Variants in BEND3 observed in about 807,000 individuals in gnomAD.
BEND3 encodes BEN domain-containing protein 3.
Under a neutral mutation model 60.1 loss-of-function variants are expected in BEND3, and 13 were observed. The observed-to-expected ratio is 0.22, with a 90% CI of 0.14 to 0.34. The LOEUF (loss-of-function observed/expected upper bound fraction) is 0.34, where lower values mean the gene tolerates loss of function less well. Among genes scored for constraint, BEND3 ranks in the 10% least tolerant of loss-of-function variants. The pLI, the probability that BEND3 is intolerant of heterozygous loss-of-function variation, is 1.00. For synonymous variants in BEND3, 497 were observed against 491.5 expected (o/e 1.01, Z -0.15); for missense variants, 896 against 1,138.1 (o/e 0.79, Z 3.06).
rs1554233696 is a variant in BEND3, at chr6:107,082,726, G to C, written c.241-11776C>G. On this transcript the variant is annotated intron_variant, in intron 3 of 3. Coordinates refer to ENST00000369042, the MANE Select transcript of BEND3 (RefSeq NM_001367314.1). ...TTACAGGCGTGAGCAACCGCGCCCA[G>C]CCTAGTGGTTGCTTTAAACTACTAG... 2.6e-5 allele frequency among the ~76,000 whole-genome samples: 4 copies of C among 152,312 alleles called. No homozygotes were observed. The South Asian group carries it at 8.3e-4, about 32-fold the overall frequency.
intron 1 of BEND3, among the ~76,000 whole-genome samples, chr6:107,105,712 G>T (rs1466999726): frequency 6.6e-6 from 1 of 152,198 alleles, no homozygotes; most frequent in Non-Finnish European, 1.5e-5. Flanking sequence ...CAACCTGGAG[G>T]TTCAAATTCC....
At position 107,069,669 on chromosome 6, in the gene BEND3, T is replaced by C. The variant is rs781896825; in HGVS notation, c.1522A>G (p.Ile508Val). The change falls in exon 4 of 4, where the codon ATC (isoleucine) becomes GTC (valine). Residue 508 changes from isoleucine (I) to valine (V), a missense_variant. Around this residue, in one of 4 missense-constraint regions of BEND3, gnomAD observed 846 missense variants for 1,036.7 expected, o/e 0.82. Transcript: ENST00000369042. The stretch of plus-strand genomic sequence containing the variant: ...CTGTCCTCCACCTTGACCACTGAGA[T>C]GTCGTCGGGCAGACTGGAGGAGTCG... ...CYDSSSLPDD[I>V]SVVKVEDSFE... 3.1e-6 allele frequency: 5 copies of C among 1,609,604 alleles called. No homozygotes were observed. Among genetic ancestry groups the C allele is most frequent in the Admixed American group, 1.7e-5 (1 of 59,998 alleles).
rs377097460 is a variant in BEND3, at chr6:107,069,686, G to A, written c.1505C>T (p.Ser502Phe). 2 of 1,609,656 alleles carry A rather than the reference G, an allele frequency of 1.2e-6. No individual in the cohort carries two copies. The highest frequency in any genetic ancestry group is 1.7e-6 in the Non-Finnish European group (2 of 1,179,986). Reference sequence around the variant, plus strand: ...CACTGAGATGTCGTCGGGCAGACTGGAGGAGTCGTAGCAGTCATCACGCGG... The same window carrying A: ...CACTGAGATGTCGTCGGGCAGACTGAAGGAGTCGTAGCAGTCATCACGCGG... ...DPPRDDCYDS[S>F]SLPDDISVVK... The change falls in exon 4 of 4, where the codon TCC becomes TTC. Residue 502 changes from serine to phenylalanine, a missense_variant. Physicochemically the swap from Ser to Phe is radical, Grantham distance 155. Coordinates refer to ENST00000369042, the MANE Select transcript of BEND3 (RefSeq NM_001367314.1).
At chr6:107,089,116 CAA>C (rs1343431146) in intron 3 of BEND3, among the ~76,000 whole-genome samples, 2 of 141,506 alleles carry the variant, frequency 1.4e-5, no homozygotes, top group African/African-American at 5.3e-5. Flanking sequence ...CCAGCCTGGG[CAA>C]AAGATCGAGA....
intron 1 of BEND3, among the ~76,000 whole-genome samples, chr6:107,108,808 A>G (rs536587672): frequency 2.0e-5 from 3 of 152,214 alleles, no homozygotes; most frequent in African/African-American, 7.2e-5. Context: ...AAGAGGGTTG[A>G]TTGATTGATT....
At chr6:107,102,893 G>T (rs988886891) in intron 1 of BEND3, among the ~76,000 whole-genome samples, 1 of 152,160 alleles carries the variant, frequency 6.6e-6, no homozygotes, top group Non-Finnish European at 1.5e-5. Flanking sequence ...CCCAGGACAG[G>T]TAACTCCTCC....
At chr6:107,095,069 T>G (rs773593688) in intron 3 of BEND3, among the ~76,000 whole-genome samples, 24 of 152,038 alleles carry the variant, frequency 1.6e-4, no homozygotes, top group Non-Finnish European at 2.2e-4. Context: ...GCAATCCACC[T>G]GCCTCAGCCT....
chr6:107,085,825 C>T lies in BEND3; in HGVS notation c.240+12726G>A, dbSNP rs62429995. ...TTTTTGAGACGGAGTCTTGCTCTGT[C>T]GCCCAGGCTGGAGTGCAGTGGCCCG... is the stretch of plus-strand genomic sequence containing the variant. On this transcript the variant is annotated intron_variant, in intron 3 of 3. Transcript: ENST00000369042. 3.6e-4 allele frequency among the ~76,000 whole-genome samples: 52 copies of T among 143,320 alleles called. No individual in the cohort carries two copies. The East Asian group carries it at 9.3e-3, about 26-fold the overall frequency. 94.0% of individuals were successfully genotyped at this position (143,320 alleles called of 152,430 possible).
rs1447624888 is a variant in BEND3 at position 107,093,417 on chromosome 6, C to T, written c.240+5134G>A. Among the ~76,000 whole-genome samples, 4 of 151,190 alleles carry T rather than the reference C, an allele frequency of 2.6e-5. No homozygotes were observed. The East Asian group carries it at 5.8e-4, about 22-fold the overall frequency. On this transcript the variant is annotated intron_variant, in intron 3 of 3. Transcript: ENST00000369042. ...CGGAGCTTGCAGTGAGCCAAGATCG[C>T]GCCACTGCACTCCAGCCTGGGCGAC...
intron 3 of BEND3, among the ~76,000 whole-genome samples, chr6:107,085,677 G>A (rs1315976087): frequency 6.6e-6 from 1 of 151,822 alleles, no homozygotes; most frequent in Admixed American, 6.6e-5. Flanking sequence ...ATTTTTAGTA[G>A]AGATGGGGTT....
In BEND3 at chr6:107,065,467, G is replaced by C. The variant is rs1554230642; in HGVS notation, c.*3237C>G. On this transcript the variant is annotated 3_prime_UTR_variant, in exon 4 of 4. Coordinates refer to ENST00000369042, the MANE Select transcript of BEND3 (RefSeq NM_001367314.1). ...AGGATGTCAGAAAAACATTAAGGCTGGATCTACGAGAGGCAAGTATTTCCC... is the reference window on the plus strand; with the variant it reads ...AGGATGTCAGAAAAACATTAAGGCTCGATCTACGAGAGGCAAGTATTTCCC... 1 of 152,410 alleles carries C rather than the reference G, an allele frequency of 6.6e-6. No homozygotes were observed. The highest frequency in any genetic ancestry group is 2.4e-5 in the African/African-American group (1 of 41,416). 9.4% of individuals were successfully genotyped at this position (152,410 alleles called of 1,614,324 possible). A position where few individuals can be genotyped will look rare whatever the true frequency, so the allele number is the denominator to read the frequency against.
rs1017666958 is a variant in BEND3, at chr6:107,068,866, C to T, written c.2325G>A (p.Thr775=). The change falls in exon 4 of 4, where the codon ACG becomes ACA. Residue 775 remains threonine, a synonymous_variant. Coordinates refer to ENST00000369042, the MANE Select transcript of BEND3 (RefSeq NM_001367314.1). The surrounding 1 kb of genome is among the most constrained non-coding windows in gnomAD (Gnocchi z 5.8). ...CGTAGTGGCGGATGAGCCGCAGCCG[C>T]GTGGGGTCCAGTTGCTTCTTGTTGC... is the stretch of plus-strand genomic sequence containing the variant. The part of the protein sequence containing the change: ...GACNKKQLDP[T]RLRLIRHYVE... The T allele has an allele frequency of 4.3e-6, 7 of 1,613,506 alleles. No individual in the cohort carries two copies. The African/African-American group carries it at 5.3e-5, about 12-fold the overall frequency.
At chr6:107,110,309 C>CT (rs782244761) in intron 1 of BEND3, among the ~76,000 whole-genome samples, 5 of 152,196 alleles carry the variant, frequency 3.3e-5, no homozygotes, top group Non-Finnish European at 5.9e-5. Context: ...AAAACAGCCC[C>CT]TCTCCTGTTT....
intron 3 of BEND3, among the ~76,000 whole-genome samples, chr6:107,073,205 A>G (rs192650337): frequency 0.18 from 557 of 3,148 alleles, 25 homozygotes; most frequent in African/African-American, 0.33. Context: ...GTGTATGTAT[A>G]TATATATATA....
chr6:107,073,284 G>C (rs1775030952), intron 3 of BEND3, among the ~76,000 whole-genome samples: 1 of 121,334 alleles, frequency 8.2e-6, no homozygotes, highest in Non-Finnish European at 1.7e-5. Context: ...CAAATGGTCA[G>C]TGGCAACTGG....
rs1245207632 is a variant in BEND3, at chr6:107,115,375, C to T, written c.-297G>A. 2 of 148,790 alleles carry T rather than the reference C, an allele frequency of 1.3e-5. No individual in the cohort carries two copies. Among genetic ancestry groups the T allele is most frequent in the Non-Finnish European group, 3.0e-5 (2 of 66,658 alleles). 9.2% of individuals were successfully genotyped at this position (148,790 alleles called of 1,614,324 possible). ...CAGTGGAACCACAACCCCTCCGCCC[C>T]CACCCCCGGCCCGCCCCTCCCCCTC... On this transcript the variant is annotated 5_prime_UTR_variant, in exon 1 of 4. Transcript: ENST00000369042.
intron 3 of BEND3, among the ~76,000 whole-genome samples, chr6:107,088,479 G>C (rs940914593): frequency 6.6e-6 from 1 of 151,894 alleles, no homozygotes; most frequent in Non-Finnish European, 1.5e-5. Context: ...GATCTAAGAG[G>C]TTCAGAGAAT....
chr6:107,100,669 G>A (rs781917853), intron 1 of BEND3, among the ~76,000 whole-genome samples: 24 of 152,132 alleles, frequency 1.6e-4, no homozygotes, highest in Non-Finnish European at 3.4e-4. Flanking sequence ...ATGAGGCAAA[G>A]CACCACTAAA....
In BEND3 at chr6:107,068,461, C is replaced by T; in HGVS notation, c.*243G>A. 1 of 498,922 alleles carries T rather than the reference C, an allele frequency of 2.0e-6. No homozygotes were observed. Among genetic ancestry groups the T allele is most frequent in the East Asian group, 3.6e-5 (1 of 27,782 alleles). 30.9% of individuals were successfully genotyped at this position (498,922 alleles called of 1,614,324 possible). A position where few individuals can be genotyped will look rare whatever the true frequency, so the allele number is the denominator to read the frequency against. ...CCCTGCCCTCACAGCTTGCTCTCCCCACACTCAGGCTGCCCCGCCGGGGCA... is the reference window on the plus strand; with the variant it reads ...CCCTGCCCTCACAGCTTGCTCTCCCTACACTCAGGCTGCCCCGCCGGGGCA... On this transcript the variant is annotated 3_prime_UTR_variant, in exon 4 of 4. Coordinates refer to ENST00000369042, the MANE Select transcript of BEND3 (RefSeq NM_001367314.1). This position sits in a 1 kb window ranked among gnomAD's most constrained non-coding sequence, Gnocchi z 5.8.
Sources: gnomAD v4.1 joint callset for allele counts (sites outside exome capture counted in the v4.1 genomes callset) on GRCh38, gnomAD v4.1.1 for gene constraint, gnomAD v4.1.1 regional missense constraint, Gnocchi (gnomAD v3.1) non-coding constraint, MANE v1.5 for transcripts, NCBI Gene and HGNC (gene_info 2026-07-23, HGNC 2026-07-21) for gene names.